The following ME3 variants were observed in gnomAD, a reference collection of about 807,000 sequenced individuals.
ME3 encodes malic enzyme 3, also known as NADP-dependent malic enzyme, mitochondrial.
A neutral mutation model predicts 68.9 loss-of-function variants in ME3; 48 were observed. The observed-to-expected ratio is 0.70, with a 90% CI of 0.55 to 0.89. The LOEUF (loss-of-function observed/expected upper bound fraction) is 0.89, where lower values mean the gene tolerates loss of function less well. Among genes scored for constraint, ME3 ranks in the 40% least tolerant of loss-of-function variants. ME3 has a pLI of 0.00. For synonymous variants in ME3, 320 were observed against 318.8 expected (o/e 1.00, Z -0.04); for missense variants, 675 against 797.4 (o/e 0.85, Z 1.85).
chr11:86,530,596 C>G (rs1341320251), intron 4 of ME3, among the ~76,000 whole-genome samples: 1 of 152,204 alleles, frequency 6.6e-6, no homozygotes, highest in Non-Finnish European at 1.5e-5. Flanking sequence ...TGACTTCAAA[C>G]TATACTACAA....
intron 2 of ME3, among the ~76,000 whole-genome samples, chr11:86,664,030 T>C (rs1330101626): frequency 6.6e-6 from 1 of 152,222 alleles, no homozygotes; most frequent in Middle Eastern, 3.2e-3. Context: ...CTTTATTGCC[T>C]CTAGAAGATA....
chr11:86,635,059 C>A (rs1024361349), intron 2 of ME3, among the ~76,000 whole-genome samples: 1 of 152,192 alleles, frequency 6.6e-6, no homozygotes, highest in African/African-American at 2.4e-5. Flanking sequence ...AATCCCAGAA[C>A]TTTGGGAGGC....
exon 7 of ME3, chr11:86,487,390 G>A (rs372951225): frequency 1.9e-5 from 30 of 1,613,952 alleles, no homozygotes; most frequent in South Asian, 7.7e-5. Flanking sequence ...ATGCCTTCCC[G>A]TGCACGCGCT....
intron 8 of ME3, among the ~76,000 whole-genome samples, chr11:86,452,651 T>G (rs1337966256): frequency 6.6e-6 from 1 of 152,206 alleles, no homozygotes; most frequent in Non-Finnish European, 1.5e-5. Flanking sequence ...AAACAAGGAA[T>G]GTAGCAGCCA....
At chr11:86,573,368 GA>G (rs1160180950) in intron 2 of ME3, among the ~76,000 whole-genome samples, 6 of 151,090 alleles carry the variant, frequency 4.0e-5, no homozygotes, top group African/African-American at 1.5e-4. Context: ...CCTATGTCCT[GA>G]ATGGTATTGC....
At chr11:86,446,827 T>C (rs1478422998) in intron 12 of ME3, 3 of 614,434 alleles carry the variant, frequency 4.9e-6, no homozygotes, top group Non-Finnish European at 8.3e-6. Context: ...CTGTGTTATT[T>C]AGGGTGAACC....
intron 4 of ME3, among the ~76,000 whole-genome samples, chr11:86,532,036 T>C (rs1275570350): frequency 6.6e-6 from 1 of 150,406 alleles, no homozygotes; most frequent in East Asian, 1.9e-4. Flanking sequence ...GAAAAAGATA[T>C]TCCACGCAAA....
intron 4 of ME3, among the ~76,000 whole-genome samples, chr11:86,510,893 A>C (rs1953471610): frequency 6.6e-6 from 1 of 152,184 alleles, no homozygotes; most frequent in Non-Finnish European, 1.5e-5. Context: ...TGACTCAAAG[A>C]CAAGAAAAAA....
chr11:86,441,199 T>C lies in ME3; in HGVS notation c.*80A>G, dbSNP rs180886511. The C allele has an allele frequency of 6.4e-5, 83 of 1,306,032 alleles. No homozygotes were observed. The Admixed American group carries it at 1.3e-3, about 20-fold the overall frequency. 80.9% of individuals were successfully genotyped at this position (1,306,032 alleles called of 1,614,324 possible). On this transcript the variant is annotated 3_prime_UTR_variant, in exon 15 of 15. Coordinates refer to ENST00000543262, the Ensembl canonical transcript of ME3. ...AAAAAACACAGCGACAAGGATTCAC[T>C]TGGGCCATTTTGGAACCCATTTATA...
At chr11:86,574,534 C>G (rs1163711283) in intron 2 of ME3, among the ~76,000 whole-genome samples, 1 of 152,174 alleles carries the variant, frequency 6.6e-6, no homozygotes, top group Non-Finnish European at 1.5e-5. Context: ...ACTCCAAGCC[C>G]TGTTCACCTG....
At chr11:86,655,043 A>T (rs1945761436) in intron 2 of ME3, among the ~76,000 whole-genome samples, 2 of 152,218 alleles carry the variant, frequency 1.3e-5, no homozygotes, top group East Asian at 3.8e-4. Context: ...CTTACAAGGG[A>T]TGTGAAAGAC....
chr11:86,620,968 T>G (rs1943310464), intron 2 of ME3, among the ~76,000 whole-genome samples: 1 of 152,066 alleles, frequency 6.6e-6, no homozygotes, highest in African/African-American at 2.4e-5. Flanking sequence ...TTGTGGTTGG[T>G]TAAGTAATAC....
intron 2 of ME3, among the ~76,000 whole-genome samples, chr11:86,599,916 C>G (rs1345904628): frequency 1.3e-5 from 2 of 152,052 alleles, no homozygotes; most frequent in Non-Finnish European, 1.5e-5. Flanking sequence ...TTTGTCACCA[C>G]CAAGCCTGCC....
chr11:86,522,692 C>G (rs1178645101), intron 4 of ME3, among the ~76,000 whole-genome samples: 1 of 152,072 alleles, frequency 6.6e-6, no homozygotes, highest in Non-Finnish European at 1.5e-5. Flanking sequence ...CATCCATATC[C>G]CTGCAAAGGA....
chr11:86,489,787 C>T (rs1385175072), intron 6 of ME3, among the ~76,000 whole-genome samples: 1 of 152,096 alleles, frequency 6.6e-6, no homozygotes, highest in East Asian at 1.9e-4. Context: ...TTTGAAGGCC[C>T]CACTCACCCC....
chr11:86,597,069 C>G (rs936643379), intron 2 of ME3, among the ~76,000 whole-genome samples: 1 of 152,248 alleles, frequency 6.6e-6, no homozygotes, highest in African/African-American at 2.4e-5. Flanking sequence ...AGCAGGAAAT[C>G]TGACATAAGG....
At chr11:86,525,549 A>G (rs1954667394) in intron 4 of ME3, among the ~76,000 whole-genome samples, 1 of 151,986 alleles carries the variant, frequency 6.6e-6, no homozygotes, top group African/African-American at 2.4e-5. Flanking sequence ...TTTGCCTACA[A>G]AAGATTCAGT....
intron 2 of ME3, among the ~76,000 whole-genome samples, chr11:86,571,977 G>T (rs1367480607): frequency 6.6e-6 from 1 of 152,202 alleles, no homozygotes; most frequent in African/African-American, 2.4e-5. Flanking sequence ...TTCAGAAGAG[G>T]CAGCACAACT....
At position 86,593,776 on chromosome 11, in the gene ME3, A is replaced by G. The variant is rs1959173539; in HGVS notation, c.184-33953T>C. Among the ~76,000 whole-genome samples the G allele has an allele frequency of 1.4e-5, 2 of 146,650 alleles. 1 individual carries two copies. Reference sequence around the variant, plus strand: ...AATTTTTTAGTCTTTTTTCCCCACTAAAAATGTTATGATTAGCATTTTCCC... The same window carrying G: ...AATTTTTTAGTCTTTTTTCCCCACTGAAAATGTTATGATTAGCATTTTCCC... On this transcript the variant is annotated intron_variant, in intron 2 of 14. Coordinates refer to ENST00000543262, the Ensembl canonical transcript of ME3.
Sources: gnomAD v4.1 joint callset for allele counts (sites outside exome capture counted in the v4.1 genomes callset) on GRCh38, gnomAD v4.1.1 for gene constraint, MANE v1.5 for transcripts, NCBI Gene and HGNC (gene_info 2026-07-23, HGNC 2026-07-21) for gene names.